Variants in PLPP4 observed in about 807,000 individuals in gnomAD.
PLPP4 encodes the protein diacylglycerol pyrophosphate like 2.
In PLPP4, 20 loss-of-function variants were observed where a neutral mutation model predicts 32.2. The ratio of observed to expected loss-of-function variants is 0.62; its 90% CI spans 0.44 to 0.90. The LOEUF is 0.90. Among genes scored for constraint, PLPP4 ranks in the 40% least tolerant of loss-of-function variants. The probability of loss-of-function intolerance (pLI) is 0.00; values close to 1 mark genes in which losing one functional copy is unlikely to be tolerated. For missense variants in PLPP4, 257 were observed against 353.1 expected, an observed-to-expected ratio of 0.73 and a Z score of 2.18; for synonymous variants, 127 against 133.0, an observed-to-expected ratio of 0.95 and a Z score of 0.31.
At chr10:120,524,237 A>G (rs1409029504) in intron 5 of PLPP4, among the ~76,000 whole-genome samples, 1 of 152,156 alleles carries the variant, frequency 6.6e-6, no homozygotes, top group Non-Finnish European at 1.5e-5. Context: ...ACCACTTAGA[A>G]AAAACACCGA....
chr10:120,544,294 T>C (rs1487610047), intron 5 of PLPP4, among the ~76,000 whole-genome samples: 2 of 152,228 alleles, frequency 1.3e-5, no homozygotes, highest in Admixed American at 6.5e-5. Flanking sequence ...TTTTTTATAG[T>C]GGACTCCCTG....
In PLPP4 at chr10:120,515,324, C is replaced by T. The variant is rs117854107; in HGVS notation, c.256+1323C>T. On this transcript the variant is annotated intron_variant, in intron 3 of 6. Transcript: ENST00000398250. ...TGCAATGTGCCTTGCCTCTTCTCCT[C>T]ACACTCCCAGCCTGATTCTTCTGCC... Among the ~76,000 whole-genome samples the T allele has an allele frequency of 5.3e-5, 8 of 152,318 alleles. No homozygotes were observed. In the East Asian group the frequency reaches 1.3e-3, roughly 26 times the overall value.
chr10:120,503,916 G>A lies in PLPP4; in HGVS notation c.155G>A (p.Arg52His), dbSNP rs747041396. The A allele has an allele frequency of 5.2e-5, 83 of 1,600,298 alleles. No homozygotes were observed. Among genetic ancestry groups the A allele is most frequent in the Admixed American group, 6.7e-5 (4 of 59,908 alleles). The stretch of plus-strand genomic sequence containing the variant: ...GTGCAATCAGATAACATACCTACCC[G>A]CCTCATGTTTGTAAGTACCATGATT... Reference protein sequence around the residue: ...PLVQSDNIPTRLMFAISFLTP... With the variant: ...PLVQSDNIPTHLMFAISFLTP... The change falls in exon 2 of 7, where the codon CGC (arginine) becomes CAC (histidine). Residue 52 changes from arginine (R) to histidine (H), a missense_variant. Coordinates refer to ENST00000398250, the MANE Select transcript of PLPP4 (RefSeq NM_001030059.3).
chr10:120,478,220 C>T (rs1285922188), intron 1 of PLPP4, among the ~76,000 whole-genome samples: 1 of 152,202 alleles, frequency 6.6e-6, no homozygotes, highest in Non-Finnish European at 1.5e-5. Context: ...TCCACGTTTT[C>T]ATTTCTCATA....
chr10:120,489,088 G>A (rs1326662), intron 1 of PLPP4, among the ~76,000 whole-genome samples: 65,617 of 152,016 alleles, frequency 0.43, 14,365 homozygotes, highest in East Asian at 0.69. Flanking sequence ...TGAAGATGAC[G>A]TCTCATTTAC....
At chr10:120,458,557 T>C (rs1289226661) in intron 1 of PLPP4, among the ~76,000 whole-genome samples, 2 of 152,090 alleles carry the variant, frequency 1.3e-5, no homozygotes, top group Non-Finnish European at 2.9e-5. Flanking sequence ...TGTTTTTCTT[T>C]AGCAGGGATT....
At chr10:120,559,112 A>T (rs1055293995) in intron 5 of PLPP4, among the ~76,000 whole-genome samples, 1 of 152,200 alleles carries the variant, frequency 6.6e-6, no homozygotes, top group Non-Finnish European at 1.5e-5. Flanking sequence ...GAGCTAGATC[A>T]TTCATTAGTT....
At chr10:120,521,390 G>A (rs182410111) in intron 5 of PLPP4, among the ~76,000 whole-genome samples, 60 of 152,260 alleles carry the variant, frequency 3.9e-4, no homozygotes, top group African/African-American at 1.4e-3. Flanking sequence ...AATTCTCTAC[G>A]CTCCCTGGGA....
chr10:120,573,068 A>G (rs1056532900), intron 5 of PLPP4, among the ~76,000 whole-genome samples: 2 of 152,202 alleles, frequency 1.3e-5, no homozygotes, highest in African/African-American at 4.8e-5. Context: ...AGGAGAAAAA[A>G]CAACAACAAA....
chr10:120,485,914 A>G (rs1053659826), intron 1 of PLPP4, among the ~76,000 whole-genome samples: 1 of 152,144 alleles, frequency 6.6e-6, no homozygotes, highest in Non-Finnish European at 1.5e-5. Context: ...AAGCTCAACG[A>G]TGGAGCCTAG....
At chr10:120,586,608 A>G (rs1849773781) in intron 6 of PLPP4, among the ~76,000 whole-genome samples, 1 of 152,278 alleles carries the variant, frequency 6.6e-6, no homozygotes, top group African/African-American at 2.4e-5. Flanking sequence ...GGAAAGGGGC[A>G]TGCCCAAAAA....
intron 5 of PLPP4, among the ~76,000 whole-genome samples, chr10:120,535,761 C>T (rs7069705): frequency 0.084 from 12,712 of 152,072 alleles, 602 homozygotes; most frequent in African/African-American, 0.12. Context: ...TGGATGCAAA[C>T]CCCCCTGGGA....
At chr10:120,561,842 C>G in intron 5 of PLPP4, among the ~76,000 whole-genome samples, 1 of 152,178 alleles carries the variant, frequency 6.6e-6, no homozygotes, top group Non-Finnish European at 1.5e-5. Context: ...CAGAGCTACT[C>G]CCATGACCAC....
chr10:120,511,927 C>T (rs1845743681), intron 2 of PLPP4, among the ~76,000 whole-genome samples: 1 of 152,070 alleles, frequency 6.6e-6, no homozygotes, highest in African/African-American at 2.4e-5. Flanking sequence ...CCCATCTCTA[C>T]TAAAAAAGTA....
At chr10:120,551,907 C>T (rs1376476767) in intron 5 of PLPP4, among the ~76,000 whole-genome samples, 1 of 152,172 alleles carries the variant, frequency 6.6e-6, no homozygotes, top group Non-Finnish European at 1.5e-5. Flanking sequence ...CTCCTGTCAT[C>T]AACCATTCTG....
Position 120,552,847 on chromosome 10 carries a change from C to G in PLPP4, c.446-22284C>G, listed in dbSNP as rs557314904. On this transcript the variant is annotated intron_variant, in intron 5 of 6. Coordinates refer to ENST00000398250, the MANE Select transcript of PLPP4 (RefSeq NM_001030059.3). ...CTGATTTACACAACTCTTCAAAGAA[C>G]TGAGTGACAAGACTGCAGTTGATGG... Among the ~76,000 whole-genome samples the G allele has an allele frequency of 2.0e-4, 30 of 152,326 alleles. No homozygotes were observed. The South Asian group carries it at 6.0e-3, about 31-fold the overall frequency.
At chr10:120,568,641 C>A (rs1159184916) in intron 5 of PLPP4, among the ~76,000 whole-genome samples, 2 of 152,162 alleles carry the variant, frequency 1.3e-5, no homozygotes, top group African/African-American at 2.4e-5. Context: ...TATTTCAAAC[C>A]TGCTCATGCT....
chr10:120,461,782 A>G (rs150043244), intron 1 of PLPP4, among the ~76,000 whole-genome samples: 1,833 of 152,278 alleles, frequency 0.012, 39 homozygotes, highest in African/African-American at 0.042. Flanking sequence ...TTTCTCTTTC[A>G]TTGTTCATCC....
At position 120,591,362 on chromosome 10, in the gene PLPP4, T is replaced by C. The variant is rs575557374; in HGVS notation, c.*1860T>C. 1.3e-5 allele frequency among the ~76,000 whole-genome samples: 2 copies of C among 152,248 alleles called. No individual in the cohort carries two copies. Among genetic ancestry groups the C allele is most frequent in the Admixed American group, 6.5e-5 (1 of 15,300 alleles). On this transcript the variant is annotated 3_prime_UTR_variant, in exon 7 of 7. Transcript: ENST00000398250. ...GGAGTGGGAGAGGGGGAGGCTTGAA[T>C]TGACTTTCATCCAAAGTCAAGCCAT... is the stretch of plus-strand genomic sequence containing the variant.
Sources: allele counts gnomAD v4.1 joint callset (sites outside exome capture counted in the v4.1 genomes callset), GRCh38; gene constraint gnomAD v4.1.1; transcripts MANE v1.5; gene names NCBI Gene and HGNC (gene_info 2026-07-23, HGNC 2026-07-21).